The following PPME1 variants were observed in gnomAD, a reference collection of about 807,000 sequenced individuals.
PPME1 encodes testicular secretory protein Li 39.
A neutral mutation model predicts 56.9 loss-of-function variants in PPME1; 17 were observed. The ratio of observed to expected loss-of-function variants is 0.30; its 90% CI spans 0.20 to 0.45. The LOEUF is 0.45. PPME1 is among the 20% of genes least tolerant of loss of function. The pLI, the probability that PPME1 is intolerant of heterozygous loss-of-function variation, is 1.00. For synonymous variants in PPME1, 122 were observed against 156.2 expected (o/e 0.78, Z 1.63); for missense variants, 357 against 483.2 (o/e 0.74, Z 2.45).
chr11:74,188,720 C>T (rs1244011422), intron 1 of PPME1, among the ~76,000 whole-genome samples: 2 of 152,052 alleles, frequency 1.3e-5, no homozygotes, highest in African/African-American at 4.8e-5. Flanking sequence ...TAAAAATAAC[C>T]AACAATATGA....
At chr11:74,204,082 C>G (rs1472680900) in intron 2 of PPME1, among the ~76,000 whole-genome samples, 1 of 151,540 alleles carries the variant, frequency 6.6e-6, no homozygotes, top group Non-Finnish European at 1.5e-5. Context: ...TTTCATGAGT[C>G]AAGTGAGTTG....
chr11:74,171,845 G>A (rs542716791), intron 1 of PPME1, among the ~76,000 whole-genome samples: 63 of 152,264 alleles, frequency 4.1e-4, no homozygotes, highest in African/African-American at 1.5e-3. Flanking sequence ...GGTGACAAAG[G>A]TGGAGGAGAA....
At chr11:74,220,594 A>G (rs1230603621) in intron 3 of PPME1, among the ~76,000 whole-genome samples, 2 of 152,220 alleles carry the variant, frequency 1.3e-5, no homozygotes, top group African/African-American at 4.8e-5. Flanking sequence ...AAATGCCCTT[A>G]TCTGTAAAAT....
intron 7 of PPME1, among the ~76,000 whole-genome samples, chr11:74,233,071 A>G (rs1417389254): frequency 1.3e-5 from 2 of 151,840 alleles, no homozygotes; most frequent in Non-Finnish European, 2.9e-5. Flanking sequence ...ATGTGTCAGT[A>G]CCTGATCTAA....
intron 3 of PPME1, among the ~76,000 whole-genome samples, chr11:74,212,066 T>G (rs1858491656): frequency 6.6e-6 from 1 of 152,248 alleles, no homozygotes; most frequent in Admixed American, 6.5e-5. Context: ...AGTACCTAGA[T>G]TTATCTTCAT....
At chr11:74,177,226 C>T (rs990818432) in intron 1 of PPME1, among the ~76,000 whole-genome samples, 1 of 152,002 alleles carries the variant, frequency 6.6e-6, no homozygotes, top group African/African-American at 2.4e-5. Flanking sequence ...TTTGGGAGGC[C>T]AAGGCATGTG....
rs533651402 is a variant in PPME1, at chr11:74,230,546, A to G, written c.553+147A>G. ...TATATCTTTTTTAAGTTTATACAAG[A>G]TAACCATTTTTCCATGTCATCAAAA... is the stretch of plus-strand genomic sequence containing the variant. On this transcript the variant is annotated intron_variant, in intron 6 of 13. Coordinates refer to ENST00000328257, the MANE Select transcript of PPME1 (RefSeq NM_016147.3). The surrounding 1 kb of genome is among the most constrained non-coding windows in gnomAD (Gnocchi z 4.9). 3.1e-5 allele frequency: 32 copies of G among 1,018,482 alleles called. No individual in the cohort carries two copies. In the African/African-American group the frequency reaches 4.3e-4, roughly 14 times the overall value. 63.1% of individuals were successfully genotyped at this position (1,018,482 alleles called of 1,614,324 possible).
chr11:74,183,963 T>G (rs1857605913), intron 1 of PPME1, among the ~76,000 whole-genome samples: 1 of 152,124 alleles, frequency 6.6e-6, no homozygotes, highest in South Asian at 2.1e-4. Flanking sequence ...AATAGAGAAG[T>G]AAATGGGAGG....
intron 13 of PPME1, among the ~76,000 whole-genome samples, chr11:74,252,828 G>A (rs1008761147): frequency 2.0e-5 from 3 of 152,124 alleles, no homozygotes; most frequent in Non-Finnish European, 4.4e-5. Context: ...TCTGTTTAGG[G>A]AAACACAGTT....
rs780960664 is a variant in PPME1, at chr11:74,222,364, G to A, written c.341G>A (p.Ser114Asn). 6.9e-6 allele frequency: 11 copies of A among 1,605,562 alleles called. No individual in the cohort carries two copies. Among genetic ancestry groups the A allele is most frequent in the Non-Finnish European group, 9.4e-6 (11 of 1,172,446 alleles). ...QCRIVALDLR[S>N]HGETKVKNPE... is the part of the protein sequence containing the mutation. ...AGGATTGTAGCTTTGGATCTGCGAAGTCATGGTGAGTAAAGTTCTTAATTA... is the reference window on the plus strand; with the variant it reads ...AGGATTGTAGCTTTGGATCTGCGAAATCATGGTGAGTAAAGTTCTTAATTA... The change falls in exon 4 of 14, where the codon AGT (serine) becomes AAT (asparagine). Residue 114 changes from serine to asparagine, a missense_variant. Around this residue, in one of 2 missense-constraint regions of PPME1, gnomAD observed 175 missense variants for 189.4 expected, o/e 0.92. Transcript: ENST00000328257.
intron 1 of PPME1, among the ~76,000 whole-genome samples, chr11:74,182,813 G>T (rs188059892): frequency 1.9e-3 from 284 of 152,244 alleles, no homozygotes; most frequent in Admixed American, 5.1e-3. Flanking sequence ...GTGAGGAGGC[G>T]TGGGTGTTCA....
At chr11:74,241,257 G>T (rs993253954) in intron 9 of PPME1, among the ~76,000 whole-genome samples, 1 of 152,108 alleles carries the variant, frequency 6.6e-6, no homozygotes, top group African/African-American at 2.4e-5. Flanking sequence ...TTTGTGACTG[G>T]CTTCTTTTCT....
chr11:74,199,215 GTCTT>G (rs1159653478), intron 1 of PPME1, among the ~76,000 whole-genome samples: 1 of 152,028 alleles, frequency 6.6e-6, no homozygotes, highest in Non-Finnish European at 1.5e-5. Context: ...TTTTAAGCCT[GTCTT>G]TCTTCTCCAA....
At chr11:74,218,713 A>G (rs1858719816) in intron 3 of PPME1, among the ~76,000 whole-genome samples, 1 of 152,236 alleles carries the variant, frequency 6.6e-6, no homozygotes, top group South Asian at 2.1e-4. Flanking sequence ...GAAGAATGAA[A>G]CTAAACCCCT....
chr11:74,188,118 T>C (rs1047853177), intron 1 of PPME1, among the ~76,000 whole-genome samples: 1 of 152,104 alleles, frequency 6.6e-6, no homozygotes, highest in Non-Finnish European at 1.5e-5. Context: ...ACTATTCTGG[T>C]TATTGCTTAT....
At chr11:74,176,090 A>G (rs960850153) in intron 1 of PPME1, among the ~76,000 whole-genome samples, 3 of 152,244 alleles carry the variant, frequency 2.0e-5, no homozygotes, top group Non-Finnish European at 4.4e-5. Flanking sequence ...AAGATAATAC[A>G]TAAAAAGCAC....
Position 74,171,353 on chromosome 11 carries a change from G to C in PPME1, c.-69G>C. ...TCGTTAGGGGAGCGAGTCGTGACCG[G>C]TTGGGCCACACTCAACGTGGGACGA... On this transcript the variant is annotated 5_prime_UTR_variant, in exon 1 of 14. Coordinates refer to ENST00000328257, the MANE Select transcript of PPME1 (RefSeq NM_016147.3). 7 of 1,541,238 alleles carry C rather than the reference G, an allele frequency of 4.5e-6. No homozygotes were observed. The highest frequency in any genetic ancestry group is 6.1e-6 in the Non-Finnish European group (7 of 1,141,388).
intron 1 of PPME1, among the ~76,000 whole-genome samples, chr11:74,177,621 A>G (rs1371068695): frequency 6.6e-6 from 1 of 152,076 alleles, no homozygotes; most frequent in African/African-American, 2.4e-5. Flanking sequence ...TTTACCCCTC[A>G]TTCATTTTGA....
rs183132062 is a variant in PPME1 at position 74,239,875 on chromosome 11, C to T, written c.834+619C>T. On this transcript the variant is annotated intron_variant, in intron 9 of 13. Coordinates refer to ENST00000328257, the MANE Select transcript of PPME1 (RefSeq NM_016147.3). Reference sequence around the variant, plus strand: ...GATTACAGGCGTGAGCCACCATGCCCGGCCTAAGCTCATGCAGATTTTACC... The same window carrying T: ...GATTACAGGCGTGAGCCACCATGCCTGGCCTAAGCTCATGCAGATTTTACC... Among the ~76,000 whole-genome samples, 72 of 152,154 alleles carry T rather than the reference C, an allele frequency of 4.7e-4. 2 individuals carry two copies. The highest frequency in any genetic ancestry group is 9.8e-4 in the Admixed American group (15 of 15,288).
Sources: allele counts gnomAD v4.1 joint callset (sites outside exome capture counted in the v4.1 genomes callset), GRCh38; gene constraint gnomAD v4.1.1; regional missense constraint gnomAD v4.1.1; non-coding constraint Gnocchi (gnomAD v3.1); transcripts MANE v1.5; gene names NCBI Gene and HGNC (gene_info 2026-07-23, HGNC 2026-07-21).